The following TBC1D5 variants were observed in gnomAD, a reference collection of about 807,000 sequenced individuals.
The protein encoded by TBC1D5 is TBC1 domain family member 5.
A neutral mutation model predicts 100.3 loss-of-function variants in TBC1D5; 75 were observed. The ratio of observed to expected loss-of-function variants is 0.75; its 90% CI spans 0.62 to 0.91. The LOEUF (loss-of-function observed/expected upper bound fraction) is 0.91, where lower values mean the gene tolerates loss of function less well. Ranked by LOEUF, TBC1D5 falls within the 40% of genes least tolerant of loss-of-function variation. The pLI, the probability that TBC1D5 is intolerant of heterozygous loss-of-function variation, is 0.00. For missense variants in TBC1D5, 910 were observed against 942.4 expected (o/e 0.97, Z 0.45); for synonymous variants, 323 against 325.6 (o/e 0.99, Z 0.09).
chr3:17,261,743 G>A (rs1398592578), intron 15 of TBC1D5, among the ~76,000 whole-genome samples: 1 of 151,974 alleles, frequency 6.6e-6, no homozygotes, highest in Non-Finnish European at 1.5e-5. Flanking sequence ...GGCTGGTCTT[G>A]AACTCCTGGA....
chr3:17,501,090 A>G (rs1560031521), intron 3 of TBC1D5, among the ~76,000 whole-genome samples: 1 of 149,580 alleles, frequency 6.7e-6, no homozygotes, highest in Non-Finnish European at 1.5e-5. Flanking sequence ...TCACTCTCCT[A>G]TTTATTTAAC....
At chr3:17,281,173 G>T (rs1190601710) in intron 15 of TBC1D5, among the ~76,000 whole-genome samples, 1 of 152,140 alleles carries the variant, frequency 6.6e-6, no homozygotes, top group Non-Finnish European at 1.5e-5. Context: ...ACATCTTTAC[G>T]TGTTTCAACC....
At chr3:17,325,649 T>C (rs1016933568) in intron 13 of TBC1D5, among the ~76,000 whole-genome samples, 1 of 152,142 alleles carries the variant, frequency 6.6e-6, no homozygotes, top group African/African-American at 2.4e-5. Flanking sequence ...AAATGTATTA[T>C]GCTAAGTGGA....
chr3:17,650,181 T>C (rs1577231176), intron 1 of TBC1D5, among the ~76,000 whole-genome samples: 1 of 152,002 alleles, frequency 6.6e-6, no homozygotes, highest in East Asian at 1.9e-4. Flanking sequence ...TTAGGAGAAA[T>C]ACCTCATGTA....
At position 17,362,436 on chromosome 3, in the gene TBC1D5, C is replaced by A. The variant is rs146955324; in HGVS notation, c.995+9639G>T. Reference sequence around the variant, plus strand: ...TCAAAACTTAATACTAAGAACATAACCCCAATTTATTCAAAAAGGGCAAAA... The same window carrying A: ...TCAAAACTTAATACTAAGAACATAAACCCAATTTATTCAAAAAGGGCAAAA... On this transcript the variant is annotated intron_variant, in intron 13 of 21. Coordinates refer to ENST00000253692, the Ensembl canonical transcript of TBC1D5. Among the ~76,000 whole-genome samples, 12 of 152,066 alleles carry A rather than the reference C, an allele frequency of 7.9e-5. No homozygotes were observed. The East Asian group carries it at 2.3e-3, about 29-fold the overall frequency.
At chr3:17,666,369 T>C (rs1248547773) in intron 1 of TBC1D5, among the ~76,000 whole-genome samples, 1 of 152,168 alleles carries the variant, frequency 6.6e-6, no homozygotes, top group Non-Finnish European at 1.5e-5. Flanking sequence ...TTTTAGAAGA[T>C]AACTTCTAAG....
intron 1 of TBC1D5, among the ~76,000 whole-genome samples, chr3:17,692,861 A>G (rs1461258068): frequency 1.3e-5 from 2 of 152,224 alleles, no homozygotes; most frequent in Non-Finnish European, 2.9e-5. Context: ...CAGGCACGGT[A>G]GTTCACACTT....
intron 3 of TBC1D5, among the ~76,000 whole-genome samples, chr3:17,450,053 C>T (rs1329792720): frequency 3.9e-5 from 6 of 152,148 alleles, no homozygotes; most frequent in African/African-American, 1.4e-4. Flanking sequence ...GCAATCTTTG[C>T]TGTTCTGGAG....
intron 3 of TBC1D5, among the ~76,000 whole-genome samples, chr3:17,489,243 T>TTTTTTTTTTTTTTTTTTTTTTTTTTTG (rs2095608704): frequency 6.6e-6 from 1 of 152,082 alleles, no homozygotes; most frequent in Non-Finnish European, 1.5e-5. Flanking sequence ...ATGCTATTTT[T>TTTTTTTTTTTTTTTTTTTTTTTTTTTG]AAAATACCTA....
chr3:17,291,346 C>T (rs183720416), intron 15 of TBC1D5, among the ~76,000 whole-genome samples: 14 of 152,262 alleles, frequency 9.2e-5, no homozygotes, highest in East Asian at 1.9e-4. Context: ...AATTGCTTTA[C>T]GCTCAAATAG....
chr3:17,185,188 T>C (rs774768605), exon 19 of TBC1D5: 29 of 1,613,294 alleles, frequency 1.8e-5, no homozygotes, highest in Non-Finnish European at 2.3e-5. Flanking sequence ...GGAAGGAAAT[T>C]TGGGCTTCTA....
chr3:17,471,670 C>CAAAAA (rs753132440), intron 3 of TBC1D5, among the ~76,000 whole-genome samples: 1 of 22,284 alleles, frequency 4.5e-5, no homozygotes, highest in Non-Finnish European at 9.3e-5. Context: ...GACTCCGTCT[C>CAAAAA]AAAAAAAAAA....
chr3:17,185,308 A>AT, intron 18 of TBC1D5, 100 bp from the exon 20 acceptor site: 2 of 807,232 alleles, frequency 2.5e-6, no homozygotes, highest in Non-Finnish European at 1.8e-6. Context: ...GAAGCATGAT[A>AT]CCTTTTTAAA....
At chr3:17,418,951 A>G (rs1052811815) in intron 4 of TBC1D5, among the ~76,000 whole-genome samples, 3 of 152,218 alleles carry the variant, frequency 2.0e-5, no homozygotes, top group South Asian at 4.1e-4. Flanking sequence ...ACTCATGGAT[A>G]CAGAGGGGCT....
At chr3:17,203,084 G>A (rs780087498) in intron 18 of TBC1D5, among the ~76,000 whole-genome samples, 7 of 152,210 alleles carry the variant, frequency 4.6e-5, no homozygotes, top group Non-Finnish European at 1.0e-4. Flanking sequence ...GCTTGTGAAA[G>A]CAGCTGAGGG....
At position 17,351,791 on chromosome 3, in the gene TBC1D5, GA is replaced by G. The variant is rs2090612905; in HGVS notation, c.995+20283del. On this transcript the variant is annotated intron_variant, in intron 13 of 21. Transcript: ENST00000253692. The stretch of plus-strand genomic sequence containing the variant: ...ACCTACTTCTTTTCTTTAGTAGGGA[GA>G]AAAAACAAGAGAAAAGAAAGGAAAA... Among the ~76,000 whole-genome samples, 11 of 136,204 alleles carry G rather than the reference GA, an allele frequency of 8.1e-5. No homozygotes were observed. The South Asian group carries it at 2.5e-3, about 31-fold the overall frequency. 89.4% of individuals were successfully genotyped at this position (136,204 alleles called of 152,430 possible).
rs575544251 is a variant in TBC1D5 at position 17,587,721 on chromosome 3, T to C, written c.-36+36128A>G. 4.8e-4 allele frequency among the ~76,000 whole-genome samples: 73 copies of C among 152,156 alleles called. No homozygotes were observed. In the South Asian group the frequency reaches 6.0e-3, roughly 13 times the overall value. ...AGTAACAAACAATACTTTTCTGAAT[T>C]ATATTATACATATGGAAAATATCTA... On this transcript the variant is annotated intron_variant, in intron 2 of 21. Coordinates refer to ENST00000253692, the Ensembl canonical transcript of TBC1D5.
At chr3:17,630,193 C>T (rs1321302388) in intron 1 of TBC1D5, among the ~76,000 whole-genome samples, 1 of 152,194 alleles carries the variant, frequency 6.6e-6, no homozygotes, top group Non-Finnish European at 1.5e-5. Flanking sequence ...AAGAATTAAA[C>T]TCCACAAGCA....
At chr3:17,543,584 G>A (rs752411605) in intron 2 of TBC1D5, among the ~76,000 whole-genome samples, 26 of 152,136 alleles carry the variant, frequency 1.7e-4, no homozygotes, top group Non-Finnish European at 3.1e-4. Context: ...GCTGCAGTGA[G>A]TCATGCTTGT....
Sources: allele counts gnomAD v4.1 joint callset (sites outside exome capture counted in the v4.1 genomes callset), GRCh38; gene constraint gnomAD v4.1.1; transcripts MANE v1.5; gene names NCBI Gene and HGNC (gene_info 2026-07-23, HGNC 2026-07-21).